GRIN2B: variants seen among roughly 807,000 people sequenced by gnomAD.
The protein encoded by GRIN2B is glutamate ionotropic receptor NMDA type subunit 2B.
In GRIN2B, 5 loss-of-function variants were observed where a neutral mutation model predicts 114.5. The ratio of observed to expected loss-of-function variants is 0.04; its 90% CI spans 0.02 to 0.09. The LOEUF (loss-of-function observed/expected upper bound fraction) is 0.09. Among genes scored for constraint, GRIN2B ranks in the 10% least tolerant of loss-of-function variants. GRIN2B has a pLI of 1.00. For missense variants in GRIN2B, 1,108 were observed against 1,943.5 expected (o/e 0.57, Z 8.08); for synonymous variants, 787 against 745.1 (o/e 1.06, Z -0.92).
chr12:13,919,869 G>T (rs1181476953), intron 2 of GRIN2B, among the ~76,000 whole-genome samples: 1 of 152,168 alleles, frequency 6.6e-6, no homozygotes, highest in Non-Finnish European at 1.5e-5. Context: ...GAATCACCTT[G>T]AAAATGAGAG....
upstream of GRIN2B, chr12:13,982,100 G>A (rs1863152678): frequency 7.3e-6 from 1 of 137,758 alleles, no homozygotes; most frequent in East Asian, 2.6e-4. Context: ...AGCTTCCCAC[G>A]TCATGTGCTG....
At chr12:13,968,616 G>A (rs1481349935) in intron 2 of GRIN2B, among the ~76,000 whole-genome samples, 2 of 152,200 alleles carry the variant, frequency 1.3e-5, no homozygotes, top group African/African-American at 4.8e-5. Context: ...GGCACTCCAT[G>A]TGGCACCAAT....
At chr12:13,954,832 T>G (rs941882516) in intron 2 of GRIN2B, among the ~76,000 whole-genome samples, 3 of 34,088 alleles carry the variant, frequency 8.8e-5, no homozygotes, top group African/African-American at 2.4e-4. Flanking sequence ...AAAAAAAACT[T>G]TTTCTTCTTT....
intron 5 of GRIN2B, among the ~76,000 whole-genome samples, chr12:13,620,710 T>C (rs967982744): frequency 2.0e-5 from 3 of 152,198 alleles, no homozygotes; most frequent in Non-Finnish European, 2.9e-5. Context: ...TGAGGTGCCT[T>C]CCACATAATT....
chr12:13,565,496 C>T (rs1948626950), intron 13 of GRIN2B, among the ~76,000 whole-genome samples: 1 of 152,120 alleles, frequency 6.6e-6, no homozygotes, highest in Admixed American at 6.5e-5. Context: ...GTGTACAGCT[C>T]TTTGTACAGG....
rs149279923 is a variant in GRIN2B, at chr12:13,571,958, T to G, written c.2017A>C (p.Arg673=). The change falls in exon 11 of 14, where the codon AGA becomes CGA. Residue 673 remains arginine, a synonymous_variant. Transcript: ENST00000609686. The part of the protein sequence containing the change: ...VSGLSDKKFQ[R]PNDFSPPFRF... ...AAAGGGGGTGAGAAGTCATTAGGTCTCTGGAACTGGAGAGAGAAAGACAGA... is the reference window on the plus strand; with the variant it reads ...AAAGGGGGTGAGAAGTCATTAGGTCGCTGGAACTGGAGAGAGAAAGACAGA... 1.1e-4 allele frequency: 174 copies of G among 1,613,386 alleles called. No individual in the cohort carries two copies. The highest frequency in any genetic ancestry group is 1.4e-4 in the Non-Finnish European group (162 of 1,179,610).
chr12:13,852,126 G>C (rs1025289728), intron 3 of GRIN2B, among the ~76,000 whole-genome samples: 1 of 152,196 alleles, frequency 6.6e-6, no homozygotes, highest in African/African-American at 2.4e-5. Flanking sequence ...AGGACTTGGG[G>C]GTATGCCAGG....
chr12:13,563,523 A>G lies in GRIN2B; in HGVS notation c.3715T>C (p.Cys1239Arg). The change falls in exon 14 of 14, where the codon TGC becomes CGC. Residue 1239 changes from cysteine to arginine, a missense_variant. Physicochemically the swap from Cys to Arg is radical, Grantham distance 180 (BLOSUM62 -3). Around this residue, in one of 19 missense-constraint regions of GRIN2B, gnomAD observed 478 missense variants for 506.0 expected, o/e 0.94. Coordinates refer to ENST00000609686, the MANE Select transcript of GRIN2B (RefSeq NM_000834.5). ...TTCTTGCAAGCCTCACACCGGATGC[A>G]CGCCTGCCTGCCCGAGTTCTGACCC... Reference protein sequence around the residue: ...VTGQNSGRQACIRCEACKKAG... With the variant: ...VTGQNSGRQARIRCEACKKAG... 6.2e-7 allele frequency: 1 copy of G among 1,614,078 alleles called. No individual in the cohort carries two copies. The highest frequency in any genetic ancestry group is 1.1e-5 in the South Asian group (1 of 91,086).
Position 13,905,245 on chromosome 12 carries a change from TC to T in GRIN2B, c.-18-39020del, listed in dbSNP as rs527429727. The stretch of plus-strand genomic sequence containing the variant: ...CATGGAAGACAGTGGGGAAGGTCTC[TC>T]CCTGCTGCCTTCTGGAAAATTCTTC... On this transcript the variant is annotated intron_variant, in intron 2 of 13. Coordinates refer to ENST00000609686, the MANE Select transcript of GRIN2B (RefSeq NM_000834.5). 2.6e-5 allele frequency among the ~76,000 whole-genome samples: 4 copies of T among 152,300 alleles called. No homozygotes were observed. The East Asian group carries it at 5.8e-4, about 22-fold the overall frequency.
intron 2 of GRIN2B, among the ~76,000 whole-genome samples, chr12:13,930,982 A>C: frequency 6.6e-6 from 1 of 152,238 alleles, no homozygotes; most frequent in East Asian, 1.9e-4. Context: ...CTCTTAGGCT[A>C]CAACTGTAAA....
chr12:13,566,546 G>A (rs571140525), intron 13 of GRIN2B, among the ~76,000 whole-genome samples: 4 of 152,198 alleles, frequency 2.6e-5, no homozygotes, highest in African/African-American at 7.2e-5. Flanking sequence ...TAAAGGTTCT[G>A]TTAAGCTCTT....
At chr12:13,904,073 C>T (rs1475461209) in intron 2 of GRIN2B, among the ~76,000 whole-genome samples, 1 of 151,890 alleles carries the variant, frequency 6.6e-6, no homozygotes, top group Non-Finnish European at 1.5e-5. Context: ...AGATATGTCA[C>T]TTATAAACAG....
chr12:13,969,505 T>C (rs1314883552), intron 2 of GRIN2B, among the ~76,000 whole-genome samples: 1 of 152,220 alleles, frequency 6.6e-6, no homozygotes, highest in Non-Finnish European at 1.5e-5. Context: ...ATTAATATAA[T>C]CTAGAAGATA....
intron 3 of GRIN2B, among the ~76,000 whole-genome samples, chr12:13,835,771 TAAAAAA>T (rs1165005583): frequency 6.6e-5 from 6 of 91,484 alleles, no homozygotes; most frequent in African/African-American, 8.8e-5. Context: ...CATAGCACAT[TAAAAAA>T]AAAAAAAAAA....
intron 4 of GRIN2B, among the ~76,000 whole-genome samples, chr12:13,701,831 A>T (rs1342587077): frequency 6.6e-6 from 1 of 152,228 alleles, no homozygotes; most frequent in African/African-American, 2.4e-5. Context: ...ACACAGCCTT[A>T]CTTCAGTGTT....
At chr12:13,826,844 C>G (rs1028416572) in intron 3 of GRIN2B, among the ~76,000 whole-genome samples, 16 of 152,058 alleles carry the variant, frequency 1.1e-4, no homozygotes, top group African/African-American at 3.9e-4. Flanking sequence ...TATCTGATAC[C>G]ATTTTTCTTT....
At chr12:13,733,995 C>T (rs1863136842) in intron 4 of GRIN2B, among the ~76,000 whole-genome samples, 1 of 152,170 alleles carries the variant, frequency 6.6e-6, no homozygotes, top group African/African-American at 2.4e-5. Flanking sequence ...TCTCTTGCTT[C>T]TTGCCACTAT....
At position 13,893,819 on chromosome 12, in the gene GRIN2B, CT is replaced by C. The variant is rs554958999; in HGVS notation, c.-18-27594del. Reference sequence around the variant, plus strand: ...GAGCAAAAAAGGGAACTTAAAGTGACTTTTTTTAAAAAAAAGAAGGGGGCTT... The same window carrying C: ...GAGCAAAAAAGGGAACTTAAAGTGACTTTTTTAAAAAAAAGAAGGGGGCTT... On this transcript the variant is annotated intron_variant, in intron 2 of 13. Transcript: ENST00000609686. Among the ~76,000 whole-genome samples, 1,071 of 148,162 alleles carry C rather than the reference CT, an allele frequency of 7.2e-3. 20 individuals are homozygous for C. The highest frequency in any genetic ancestry group is 0.024 in the African/African-American group (1,006 of 41,326).
intron 5 of GRIN2B, among the ~76,000 whole-genome samples, chr12:13,644,925 G>A (rs1305280453): frequency 6.6e-6 from 1 of 152,112 alleles, no homozygotes; most frequent in Non-Finnish European, 1.5e-5. Flanking sequence ...GAATGCTGTG[G>A]CTGATTTGAT....
Sources: gnomAD v4.1 joint callset for allele counts (sites outside exome capture counted in the v4.1 genomes callset) on GRCh38, gnomAD v4.1.1 for gene constraint, gnomAD v4.1.1 regional missense constraint, MANE v1.5 for transcripts, NCBI Gene and HGNC (gene_info 2026-07-23, HGNC 2026-07-21) for gene names.